Variants in SLK observed in about 807,000 individuals in gnomAD.
The protein encoded by SLK is STE20 like kinase.
SLK carries 67 observed loss-of-function variants against 147.7 expected under a neutral mutation model. The observed-to-expected ratio is 0.45, with a 90% CI of 0.37 to 0.56. SLK has a LOEUF of 0.56. Ranked by LOEUF, SLK falls within the 20% of genes least tolerant of loss-of-function variation. The pLI, the probability that SLK is intolerant of heterozygous loss-of-function variation, is 0.00. For missense variants in SLK, 1,136 were observed against 1,438.8 expected (o/e 0.79, Z 3.41); for synonymous variants, 441 against 475.0 (o/e 0.93, Z 0.93).
At chr10:103,985,304 T>C (rs1424436947) in intron 1 of SLK, among the ~76,000 whole-genome samples, 1 of 152,220 alleles carries the variant, frequency 6.6e-6, no homozygotes, top group African/African-American at 2.4e-5. Flanking sequence ...ACGTTTCTTT[T>C]CTAGAGCACA....
intron 3 of SLK, 52 bp from the exon 4 acceptor site, chr10:103,992,931 AT>A: frequency 7.4e-7 from 1 of 1,342,978 alleles, no homozygotes; most frequent in Non-Finnish European, 1.1e-6. Context: ...TAGCCTGCTA[AT>A]ATGTTTTCAC....
intron 1 of SLK, among the ~76,000 whole-genome samples, chr10:103,975,416 G>T (rs1298736188): frequency 6.6e-6 from 1 of 151,936 alleles, no homozygotes; most frequent in South Asian, 2.1e-4. Context: ...TGCCTTCCCC[G>T]CCAAACCTAA....
intron 6 of SLK, 100 bp downstream of exon 6, chr10:103,999,413 G>C: frequency 1.1e-6 from 1 of 890,826 alleles, no homozygotes; most frequent in Non-Finnish European, 1.7e-6. Flanking sequence ...TTTAAAATTG[G>C]ATACATGGTT....
intron 6 of SLK, 21 bp from the exon 7 acceptor site, chr10:103,999,843 ATGT>A: frequency 1.0e-6 from 1 of 957,022 alleles, no homozygotes; most frequent in Non-Finnish European, 1.6e-6. Flanking sequence ...GTAAAATAGA[ATGT>A]TGTTAAAATT....
chr10:103,977,035 T>C (rs1369925794), intron 1 of SLK, among the ~76,000 whole-genome samples: 1 of 152,178 alleles, frequency 6.6e-6, no homozygotes, highest in Non-Finnish European at 1.5e-5. Context: ...GCCAAATGTC[T>C]CCTGGATGGC....
At position 104,002,990 on chromosome 10, in the gene SLK, A is replaced by C; in HGVS notation, c.1812A>C (p.Glu604Asp). 6.2e-7 allele frequency: 1 copy of C among 1,613,880 alleles called. No homozygotes were observed. Among genetic ancestry groups the C allele is most frequent in the Non-Finnish European group, 8.5e-7 (1 of 1,179,796 alleles). ...GTACTAAGGAAGTTCCTATTAAAGA[A>C]ATAGTTGAAATGAATGAAATAGAAG... ...AGGTKEVPIKEIVEMNEIEEG... is the reference protein window; with the variant it reads ...AGGTKEVPIKDIVEMNEIEEG... Residue 604 changes from glutamate (E) to aspartate (D), a missense_variant, in exon 9 of 19, where the codon GAA becomes GAC. By Grantham distance (45) the Glu-to-Asp change is conservative. Coordinates refer to ENST00000369755, the MANE Select transcript of SLK (RefSeq NM_014720.4).
At chr10:104,017,149 C>T (rs1183490205) in intron 13 of SLK, among the ~76,000 whole-genome samples, 8 of 152,058 alleles carry the variant, frequency 5.3e-5, no homozygotes, top group Non-Finnish European at 8.8e-5. Context: ...ATTTGGCATT[C>T]GGGTAGATAG....
chr10:104,005,000 G>A (rs968794552), intron 9 of SLK, among the ~76,000 whole-genome samples: 1 of 151,968 alleles, frequency 6.6e-6, no homozygotes, highest in Admixed American at 6.6e-5. Flanking sequence ...AGGGGCTGTC[G>A]ATATTATTGT....
rs1216377484 is a variant in SLK, at chr10:103,992,595, C to T, written c.316-3C>T. On this transcript the variant is annotated splice_region_variant and splice_polypyrimidine_tract_variant and intron_variant, in intron 2 of 18. Transcript: ENST00000369755. ...ACGCTTTTTTTTTTTTTTTTGCATG[C>T]AGATCCTCATTGAATTTTGTGCAGG... 1.6e-6 allele frequency: 2 copies of T among 1,240,828 alleles called. No individual in the cohort carries two copies. The highest frequency in any genetic ancestry group is 2.9e-5 in the Admixed American group (1 of 34,386). 76.9% of individuals were successfully genotyped at this position (1,240,828 alleles called of 1,614,324 possible). A position where few individuals can be genotyped will look rare whatever the true frequency, so the allele number is the denominator to read the frequency against.
At chr10:104,018,016 A>AT (rs1589546465) in intron 13 of SLK, 144 bp from the exon 14 acceptor site, 3 of 606,776 alleles carry the variant, frequency 4.9e-6, no homozygotes, top group Non-Finnish European at 8.6e-6. Context: ...TTTGTACTAT[A>AT]TAATTTTAGT....
At chr10:104,019,378 G>GA (rs1844505236) in intron 15 of SLK, among the ~76,000 whole-genome samples, 1 of 151,978 alleles carries the variant, frequency 6.6e-6, no homozygotes, top group African/African-American at 2.4e-5. Context: ...GGGTTCAAGG[G>GA]ATCCTCCTAC....
chr10:103,974,868 A>C (rs1273135200), intron 1 of SLK: 1 of 90,790 alleles, frequency 1.1e-5, no homozygotes, highest in African/African-American at 4.5e-5. Context: ...ACAGGGTTTC[A>C]CCATGTTGGC....
intron 1 of SLK, among the ~76,000 whole-genome samples, chr10:103,982,360 T>C (rs1016414276): frequency 2.6e-5 from 4 of 152,194 alleles, no homozygotes; most frequent in Non-Finnish European, 4.4e-5. Context: ...GGTAAAACAT[T>C]TTGGAAACTG....
chr10:104,022,290 A>G (rs183841558), intron 18 of SLK, among the ~76,000 whole-genome samples: 22 of 152,268 alleles, frequency 1.4e-4, no homozygotes, highest in Non-Finnish European at 2.9e-4. Flanking sequence ...AGCCATATTA[A>G]AAGGCCCTGT....
intron 1 of SLK, among the ~76,000 whole-genome samples, chr10:103,979,567 C>T (rs1490050045): frequency 6.6e-6 from 1 of 151,960 alleles, no homozygotes; most frequent in Non-Finnish European, 1.5e-5. Flanking sequence ...TTTTTCTGGC[C>T]TGCTTTTTTT....
chr10:103,970,965 A>G (rs1843784531), intron 1 of SLK, among the ~76,000 whole-genome samples: 1 of 152,202 alleles, frequency 6.6e-6, no homozygotes, highest in South Asian at 2.1e-4. Flanking sequence ...ATGTCATGTT[A>G]GCACTCAGAA....
intron 1 of SLK, among the ~76,000 whole-genome samples, chr10:103,985,414 A>G (rs769729160): frequency 2.0e-5 from 3 of 152,082 alleles, no homozygotes; most frequent in Non-Finnish European, 4.4e-5. Flanking sequence ...GAACAATTTG[A>G]GTTGTTTAGT....
chr10:104,001,919 T>G (rs1844253431), intron 8 of SLK, among the ~76,000 whole-genome samples: 1 of 152,182 alleles, frequency 6.6e-6, no homozygotes, highest in South Asian at 2.1e-4. Flanking sequence ...TTTCACCATG[T>G]TGGCCAGGCT....
intron 13 of SLK, among the ~76,000 whole-genome samples, chr10:104,015,142 C>T (rs890831172): frequency 6.6e-6 from 1 of 152,046 alleles, no homozygotes; most frequent in Non-Finnish European, 1.5e-5. Context: ...ATAAAAAATC[C>T]TTTATACAGT....
Sources: allele counts gnomAD v4.1 joint callset (sites outside exome capture counted in the v4.1 genomes callset), GRCh38; gene constraint gnomAD v4.1.1; transcripts MANE v1.5; gene names NCBI Gene and HGNC (gene_info 2026-07-23, HGNC 2026-07-21).